Variants in GRM8 observed in about 807,000 individuals in gnomAD.
The protein encoded by GRM8 is metabotropic glutamate receptor 8.
Under a neutral mutation model 87.2 loss-of-function variants are expected in GRM8, and 47 were observed. The observed-to-expected ratio is 0.54, with a 90% CI of 0.43 to 0.69. The LOEUF is 0.69. Ranked by LOEUF, GRM8 falls within the 30% of genes least tolerant of loss-of-function variation. The pLI, the probability that GRM8 is intolerant of heterozygous loss-of-function variation, is 0.00. For missense variants in GRM8, 1,019 were observed against 1,139.2 expected, an observed-to-expected ratio of 0.89 and a Z score of 1.52; for synonymous variants, 396 against 404.5, an observed-to-expected ratio of 0.98 and a Z score of 0.25.
At chr7:127,002,335 A>T (rs565285596) in intron 3 of GRM8, among the ~76,000 whole-genome samples, 1 of 151,820 alleles carries the variant, frequency 6.6e-6, no homozygotes, top group East Asian at 1.9e-4. Context: ...GAATGTGGGT[A>T]TAAATCAAGT....
intron 9 of GRM8, among the ~76,000 whole-genome samples, chr7:126,504,118 A>G (rs183725932): frequency 1.3e-5 from 2 of 152,018 alleles, no homozygotes; most frequent in Non-Finnish European, 2.9e-5. Flanking sequence ...GTTTGGTTTG[A>G]TAATATCTGG....
intron 6 of GRM8, among the ~76,000 whole-genome samples, chr7:126,811,235 T>C (rs905038064): frequency 1.3e-5 from 2 of 152,138 alleles, no homozygotes; most frequent in Non-Finnish European, 2.9e-5. Context: ...ATATGTCTGT[T>C]TTTATACTGG....
intron 1 of GRM8, among the ~76,000 whole-genome samples, chr7:127,250,048 A>C (rs1176644972): frequency 2.0e-5 from 3 of 152,210 alleles, no homozygotes; most frequent in Non-Finnish European, 4.4e-5. Flanking sequence ...AGGTGGTAGG[A>C]AGGAAACTTG....
intron 8 of GRM8, among the ~76,000 whole-genome samples, chr7:126,605,888 C>T (rs536584999): frequency 6.6e-5 from 10 of 152,312 alleles, no homozygotes; most frequent in Non-Finnish European, 1.2e-4. Flanking sequence ...AGTGCACCTG[C>T]TCCATTGCGC....
intron 2 of GRM8, among the ~76,000 whole-genome samples, chr7:127,176,895 C>A (rs1030961412): frequency 1.3e-5 from 2 of 152,160 alleles, no homozygotes; most frequent in Non-Finnish European, 2.9e-5. Context: ...CCTGGCACCA[C>A]AGGGATCCAT....
chr7:126,795,647 C>T (rs1025235328), intron 6 of GRM8, among the ~76,000 whole-genome samples: 2 of 152,078 alleles, frequency 1.3e-5, no homozygotes, highest in Admixed American at 1.3e-4. Flanking sequence ...TTGAAGCGTT[C>T]ACCTGGCAGC....
In GRM8 at chr7:126,609,495, C is replaced by G. The variant is rs777966522; in HGVS notation, c.1361G>C (p.Ser454Thr). Residue 454 changes from serine (S) to threonine (T), a missense_variant, in exon 8 of 11, where the codon AGT becomes ACT. Physicochemically the swap from Ser to Thr is moderately conservative, Grantham distance 58. Coordinates refer to ENST00000339582, the MANE Select transcript of GRM8 (RefSeq NM_000845.3). The part of the protein sequence containing the change: ...GYIRAVNFNG[S>T]AGTPVTFNEN... ...ATTAAAAGTGACAGGAGTGCCAGCA[C>G]TGCCTATAAAGATTTAGAAAACAAT... 5 of 1,610,252 alleles carry G rather than the reference C, an allele frequency of 3.1e-6. No individual in the cohort carries two copies. The Admixed American group carries it at 8.4e-5, about 27-fold the overall frequency.
intron 7 of GRM8, among the ~76,000 whole-genome samples, chr7:126,768,357 T>TAAAAAA (rs57868820): frequency 0.42 from 22,638 of 53,326 alleles, 6,645 homozygotes; most frequent in East Asian, 0.85. Context: ...TTTGATAATG[T>TAAAAAA]AAAAAAAAAA....
intron 6 of GRM8, among the ~76,000 whole-genome samples, chr7:126,892,783 T>A (rs956903659): frequency 1.3e-5 from 2 of 152,114 alleles, no homozygotes; most frequent in Non-Finnish European, 2.9e-5. Flanking sequence ...TTTCTCCACA[T>A]CCTCTCCAGC....
chr7:126,580,910 C>T (rs1795547883), intron 8 of GRM8, among the ~76,000 whole-genome samples: 1 of 152,094 alleles, frequency 6.6e-6, no homozygotes, highest in East Asian at 1.9e-4. Flanking sequence ...ACCCACTTCT[C>T]TGTCAGTCAT....
chr7:126,889,776 C>T (rs886914012), intron 6 of GRM8, among the ~76,000 whole-genome samples: 1 of 151,888 alleles, frequency 6.6e-6, no homozygotes, highest in African/African-American at 2.4e-5. Flanking sequence ...AAATATTGAC[C>T]TTCTGACTTA....
intron 9 of GRM8, among the ~76,000 whole-genome samples, chr7:126,467,145 G>GC (rs1246230168): frequency 6.7e-6 from 1 of 150,056 alleles, no homozygotes; most frequent in African/African-American, 2.5e-5. Context: ...CCCTCTCCTA[G>GC]CCCCCCACCC....
At chr7:127,016,328 C>T (rs555528015) in intron 3 of GRM8, among the ~76,000 whole-genome samples, 1 of 152,050 alleles carries the variant, frequency 6.6e-6, no homozygotes, top group African/African-American at 2.4e-5. Flanking sequence ...ATCCTAGATA[C>T]ACTAAAAGGA....
chr7:127,189,848 C>T lies in GRM8; in HGVS notation c.510+52847G>A, dbSNP rs568615799. Among the ~76,000 whole-genome samples, 79 of 152,248 alleles carry T rather than the reference C, an allele frequency of 5.2e-4. 1 individual carries two copies. The Middle Eastern group carries it at 0.014, about 26-fold the overall frequency. ...GCAACCAGCTTACAGCAACTCATCC[C>T]CACTGCTGGAAAAATACAAGTCAAC... On this transcript the variant is annotated intron_variant, in intron 2 of 10. Transcript: ENST00000339582.
At chr7:127,106,107 T>A (rs1438354618) in intron 3 of GRM8, among the ~76,000 whole-genome samples, 2 of 152,260 alleles carry the variant, frequency 1.3e-5, no homozygotes, top group African/African-American at 4.8e-5. Context: ...CCTCTAGTGT[T>A]GGATGTTAAA....
chr7:126,684,165 C>T (rs578126230), intron 7 of GRM8, among the ~76,000 whole-genome samples: 2 of 152,228 alleles, frequency 1.3e-5, no homozygotes, highest in South Asian at 4.1e-4. Context: ...AGGGCACGAT[C>T]ACTGTATATG....
At chr7:127,070,171 C>T (rs2132668502) in intron 3 of GRM8, among the ~76,000 whole-genome samples, 1 of 152,250 alleles carries the variant, frequency 6.6e-6, no homozygotes, top group South Asian at 2.1e-4. Flanking sequence ...TAGAGACAAC[C>T]TGATATTTGT....
chr7:127,197,597 C>CAAA (rs542427990), intron 2 of GRM8, among the ~76,000 whole-genome samples: 3 of 142,366 alleles, frequency 2.1e-5, no homozygotes, highest in Non-Finnish European at 3.1e-5. Context: ...ACATGTCTGT[C>CAAA]AAAAAAAAAA....
intron 3 of GRM8, among the ~76,000 whole-genome samples, chr7:126,924,450 GT>G (rs1804872788): frequency 6.6e-6 from 1 of 152,182 alleles, no homozygotes; most frequent in Non-Finnish European, 1.5e-5. Flanking sequence ...TCTCATGGAT[GT>G]CCCAGATACA....
Sources: allele counts gnomAD v4.1 joint callset (sites outside exome capture counted in the v4.1 genomes callset), GRCh38; gene constraint gnomAD v4.1.1; transcripts MANE v1.5; gene names NCBI Gene and HGNC (gene_info 2026-07-23, HGNC 2026-07-21).